Variants in ADGRA2 observed in about 807,000 individuals in gnomAD.
The protein encoded by ADGRA2 is adhesion G protein-coupled receptor A2.
ADGRA2 carries 61 observed loss-of-function variants against 98.7 expected under a neutral mutation model. That is an observed-to-expected ratio of 0.62 (90% confidence interval 0.50 to 0.76). The LOEUF (loss-of-function observed/expected upper bound fraction) is 0.76, where lower values mean the gene tolerates loss of function less well. Ranked by LOEUF, ADGRA2 falls within the 30% of genes least tolerant of loss-of-function variation. The probability of loss-of-function intolerance (pLI) is 0.00; values close to 1 mark genes in which losing one functional copy is unlikely to be tolerated. For synonymous variants in ADGRA2, 858 were observed against 831.5 expected (o/e 1.03, Z -0.55); for missense variants, 1,712 against 1,860.0 (o/e 0.92, Z 1.46).
chr8:37,837,920 G>T lies in ADGRA2; in HGVS notation c.2240G>T (p.Gly747Val). Residue 747 changes from glycine (G) to valine (V), a missense_variant, in exon 14 of 19, where the codon GGC (glycine) becomes GTC (valine). Coordinates refer to ENST00000412232, the MANE Select transcript of ADGRA2 (RefSeq NM_032777.10). ...NVSALHCQHL[G>V]NVAVLMELSA... Reference sequence around the variant, plus strand: ...AGCGCCCTGCACTGCCAGCACTTGGGCAATGTGGCCGTGCTCATGGTGGGT... The same window carrying T: ...AGCGCCCTGCACTGCCAGCACTTGGTCAATGTGGCCGTGCTCATGGTGGGT... 2 of 1,467,606 alleles carry T rather than the reference G, an allele frequency of 1.4e-6. No individual in the cohort carries two copies. Among genetic ancestry groups the T allele is most frequent in the East Asian group, 2.5e-5 (1 of 40,714 alleles). The allele number at this position is 1,467,606 out of a possible 1,614,324, so 90.9% of individuals were successfully genotyped here. A position where few individuals can be genotyped will look rare whatever the true frequency, so the allele number is the denominator to read the frequency against.
In ADGRA2 at chr8:37,804,104, C is replaced by G. The variant is rs894504067; in HGVS notation, c.266+6570C>G. ...GGGCCAGCCTGCCCACGGTGAGACA[C>G]ACACACACACACACACACACACACA... On this transcript the variant is annotated intron_variant, in intron 1 of 18. Transcript: ENST00000412232. 4.1e-3 allele frequency among the ~76,000 whole-genome samples: 456 copies of G among 110,688 alleles called. 10 individuals are homozygous for G. The highest frequency in any genetic ancestry group is 0.017 in the East Asian group (65 of 3,894). 72.6% of individuals were successfully genotyped at this position (110,688 alleles called of 152,430 possible).
intron 13 of ADGRA2, among the ~76,000 whole-genome samples, chr8:37,836,038 AACACACACACACACACACACACACAC>A (rs58082798): frequency 1.1e-3 from 138 of 124,574 alleles, no homozygotes; most frequent in African/African-American, 3.2e-3. Flanking sequence ...AGCCCCCTCC[AACACACACACACACACACACACACAC>A]ACACACACAC....
chr8:37,837,822 C>T lies in ADGRA2; in HGVS notation c.2142C>T (p.Ser714=). The change falls in exon 14 of 19, where the codon AGC becomes AGT. Residue 714 remains serine, a synonymous_variant. Coordinates refer to ENST00000412232, the MANE Select transcript of ADGRA2 (RefSeq NM_032777.10). ...CCGAACCTGTGGCCGCTTGGTGGAG[C>T]CAGGAGGGGCCCGGGGAGGCTGGGG... ...EGAEPVAAWW[S]QEGPGEAGGW... 2.0e-6 allele frequency: 3 copies of T among 1,538,222 alleles called. No individual in the cohort carries two copies. The highest frequency in any genetic ancestry group is 2.6e-6 in the Non-Finnish European group (3 of 1,140,654).
At position 37,843,218 on chromosome 8, in the gene ADGRA2, T is replaced by C. The variant is rs1348924867; in HGVS notation, c.*863T>C. Reference sequence around the variant, plus strand: ...TGGTGCCCCAGAAAGCTGCAGGTGGTGTTTGGAGAAGCAGTTACTTTTCAG... The same window carrying C: ...TGGTGCCCCAGAAAGCTGCAGGTGGCGTTTGGAGAAGCAGTTACTTTTCAG... On this transcript the variant is annotated 3_prime_UTR_variant, in exon 19 of 19. Coordinates refer to ENST00000412232, the MANE Select transcript of ADGRA2 (RefSeq NM_032777.10). 1.3e-5 allele frequency: 2 copies of C among 152,280 alleles called. No homozygotes were observed. Among genetic ancestry groups the C allele is most frequent in the African/African-American group, 4.8e-5 (2 of 41,454 alleles). The allele number at this position is 152,280 out of a possible 1,614,324, so 9.4% of individuals were successfully genotyped here.
chr8:37,818,519 G>C (rs1482138320), intron 2 of ADGRA2, among the ~76,000 whole-genome samples: 2 of 152,270 alleles, frequency 1.3e-5, no homozygotes, highest in Non-Finnish European at 2.9e-5. Context: ...GCAGCATCTG[G>C]CTTGATGCCG....
intron 1 of ADGRA2, among the ~76,000 whole-genome samples, chr8:37,800,304 TCC>T (rs1804463557): frequency 1.3e-5 from 2 of 152,176 alleles, no homozygotes; most frequent in African/African-American, 4.8e-5. Flanking sequence ...TTGATGGGAC[TCC>T]GGAGAAGGTG....
At chr8:37,804,126 C>CACACACAT (rs1804586195) in intron 1 of ADGRA2, among the ~76,000 whole-genome samples, 2 of 150,016 alleles carry the variant, frequency 1.3e-5, no homozygotes, top group African/African-American at 2.4e-5. Context: ...CACACACACA[C>CACACACAT]ACACACACAC....
intron 1 of ADGRA2, among the ~76,000 whole-genome samples, chr8:37,803,057 G>A (rs1480023115): frequency 6.6e-6 from 1 of 152,194 alleles, no homozygotes; most frequent in Non-Finnish European, 1.5e-5. Context: ...GTCCTGGGGG[G>A]AGTGTGAGAA....
Position 37,834,174 on chromosome 8 carries a change from G to T in ADGRA2, c.1608+46G>T, listed in dbSNP as rs1044536464. The T allele has an allele frequency of 6.5e-7, 1 of 1,541,488 alleles. No homozygotes were observed. The highest frequency in any genetic ancestry group is 8.8e-7 in the Non-Finnish European group (1 of 1,133,818). ...GGGTGGCCCTGGCATGCAGAGGAGG[G>T]AGGCGCTCCCTCTCAGGCGTGCACC... On this transcript the variant is annotated intron_variant, in intron 11 of 18. Transcript: ENST00000412232. This position sits in a 1 kb window ranked among gnomAD's most constrained non-coding sequence, Gnocchi z 4.2.
chr8:37,829,062 G>T, intron 3 of ADGRA2, 103 bp downstream of exon 3: 49 of 605,664 alleles, frequency 8.1e-5, no homozygotes, highest in South Asian at 4.3e-4. Context: ...CCCCACACCT[G>T]CCCCTCCTTT....
At chr8:37,798,475 G>C (rs1408095680) in intron 1 of ADGRA2, among the ~76,000 whole-genome samples, 1 of 152,164 alleles carries the variant, frequency 6.6e-6, no homozygotes, top group Non-Finnish European at 1.5e-5. Flanking sequence ...CCCAGCAGCC[G>C]CGCGAGCATT....
At chr8:37,828,836 A>G (rs922292089) in intron 2 of ADGRA2, 52 bp from the exon 3 acceptor site, 37 of 1,436,358 alleles carry the variant, frequency 2.6e-5, no homozygotes, top group Middle Eastern at 1.8e-4. Context: ...CCCGGGGAGC[A>G]GGGCGGCTCC....
intron 2 of ADGRA2, among the ~76,000 whole-genome samples, chr8:37,815,617 C>T (rs1056426361): frequency 1.3e-5 from 2 of 152,346 alleles, no homozygotes; most frequent in Non-Finnish European, 2.9e-5. Context: ...CGAGGAGGAG[C>T]TGGTGGCTGT....
Position 37,838,143 on chromosome 8 carries a change from C to T in ADGRA2, c.2259+204C>T, listed in dbSNP as rs370554405. On this transcript the variant is annotated intron_variant, in intron 14 of 18. Coordinates refer to ENST00000412232, the MANE Select transcript of ADGRA2 (RefSeq NM_032777.10). ...CCATCTTTCAGGAGACAGGGAGGTC[C>T]GGCCTCCATGCCTATATCCAGATAG... 9.2e-5 allele frequency among the ~76,000 whole-genome samples: 14 copies of T among 152,276 alleles called. No homozygotes were observed. In the East Asian group the frequency reaches 9.6e-4, roughly 10 times the overall value.
In ADGRA2 at chr8:37,841,058, C is replaced by A. The variant is rs371581627; in HGVS notation, c.2748-28C>A. The A allele has an allele frequency of 8.9e-6, 14 of 1,571,168 alleles. No individual in the cohort carries two copies. The highest frequency in any genetic ancestry group is 1.3e-5 in the African/African-American group (1 of 74,436). ...CCCCACCCCAGCCATGCCCCCTGTCCTCATCACTGCTTCTGTGTCTCCTAC... is the reference window on the plus strand; with the variant it reads ...CCCCACCCCAGCCATGCCCCCTGTCATCATCACTGCTTCTGTGTCTCCTAC... On this transcript the variant is annotated intron_variant, in intron 18 of 18. Coordinates refer to ENST00000412232, the MANE Select transcript of ADGRA2 (RefSeq NM_032777.10). This position sits in a 1 kb window ranked among gnomAD's most constrained non-coding sequence, Gnocchi z 5.0.
intron 1 of ADGRA2, among the ~76,000 whole-genome samples, chr8:37,805,751 C>T (rs1804640190): frequency 6.6e-6 from 1 of 152,040 alleles, no homozygotes; most frequent in East Asian, 1.9e-4. Context: ...CGCCTGTAAT[C>T]CCAGCTACTC....
intron 1 of ADGRA2, among the ~76,000 whole-genome samples, chr8:37,811,151 A>C (rs1468718805): frequency 8.7e-6 from 1 of 115,170 alleles, no homozygotes; most frequent in Non-Finnish European, 1.8e-5. Flanking sequence ...GAACTTTTAT[A>C]CTGTGTGTGT....
In ADGRA2 at chr8:37,844,790, C is replaced by A. The variant is rs140546893; in HGVS notation, c.*2435C>A. On this transcript the variant is annotated 3_prime_UTR_variant, in exon 19 of 19. Coordinates refer to ENST00000412232, the MANE Select transcript of ADGRA2 (RefSeq NM_032777.10). ...ACCCCGGTGGCTCCTTCTCTCGGGT[C>A]TCCACTTCTGCTGTCCCATCCCGAA... 3.7e-6 allele frequency: 6 copies of A among 1,614,074 alleles called. No homozygotes were observed. The South Asian group carries it at 6.6e-5, about 18-fold the overall frequency.
In ADGRA2 at chr8:37,844,532, C is replaced by G. The variant is rs1805913034; in HGVS notation, c.*2177C>G. ...CACTCGTGGCAGCCTGTCTAGCAGC[C>G]TGGGCTCTCTGAAAGTCCCTAACTT... On this transcript the variant is annotated 3_prime_UTR_variant, in exon 19 of 19. Coordinates refer to ENST00000412232, the MANE Select transcript of ADGRA2 (RefSeq NM_032777.10). The G allele has an allele frequency of 6.2e-7, 1 of 1,613,658 alleles. No homozygotes were observed. Among genetic ancestry groups the G allele is most frequent in the South Asian group, 1.1e-5 (1 of 91,050 alleles).
Sources: gnomAD v4.1 joint callset for allele counts (sites outside exome capture counted in the v4.1 genomes callset) on GRCh38, gnomAD v4.1.1 for gene constraint, Gnocchi (gnomAD v3.1) non-coding constraint, MANE v1.5 for transcripts, NCBI Gene and HGNC (gene_info 2026-07-23, HGNC 2026-07-21) for gene names.